Variants in CHL1 observed in about 807,000 individuals in gnomAD.
CHL1 encodes cell adhesion molecule L1 like.
CHL1 carries 96 observed loss-of-function variants against 141.9 expected under a neutral mutation model. The observed-to-expected ratio is 0.68, with a 90% CI of 0.57 to 0.80. The LOEUF (loss-of-function observed/expected upper bound fraction) is 0.80, where lower values mean the gene tolerates loss of function less well. CHL1 is among the 30% of genes least tolerant of loss of function. CHL1 has a pLI of 0.00. For missense variants in CHL1, 1,820 were observed against 1,457.2 expected (o/e 1.25, Z -4.05); for synonymous variants, 613 against 502.2 (o/e 1.22, Z -2.95).
chr3:357,483 G>A (rs969350710), intron 11 of CHL1, among the ~76,000 whole-genome samples: 1 of 152,180 alleles, frequency 6.6e-6, no homozygotes, highest in Non-Finnish European at 1.5e-5. Context: ...CTGAGACTCA[G>A]AGAGGTTACA....
chr3:390,926 A>G (rs1324455994), intron 21 of CHL1, 29 bp from the exon 22 acceptor site: 1 of 1,591,380 alleles, frequency 6.3e-7, no homozygotes, highest in African/African-American at 1.3e-5. Flanking sequence ...CACAATGGAT[A>G]TACTAAAAGA....
At chr3:371,103 T>C (rs2125324995) in intron 15 of CHL1, among the ~76,000 whole-genome samples, 1 of 152,314 alleles carries the variant, frequency 6.6e-6, no homozygotes, top group South Asian at 2.1e-4. Context: ...GAGAGTTCTG[T>C]AGATGTCTAT....
intron 2 of CHL1, among the ~76,000 whole-genome samples, chr3:251,486 T>A (rs1019532519): frequency 6.6e-6 from 1 of 152,160 alleles, no homozygotes; most frequent in Non-Finnish European, 1.5e-5. Context: ...GTTATCAGTG[T>A]CATCAACATA....
intron 1 of CHL1, among the ~76,000 whole-genome samples, chr3:233,639 T>C (rs948401281): frequency 2.0e-5 from 3 of 152,140 alleles, no homozygotes; most frequent in African/African-American, 7.2e-5. Flanking sequence ...CATTGATACA[T>C]AGTATTTTTC....
In CHL1 at chr3:269,684, C is replaced by G. The variant is rs144115257; in HGVS notation, c.-95+24992C>G. Among the ~76,000 whole-genome samples, 801 of 152,284 alleles carry G rather than the reference C, an allele frequency of 5.3e-3. 9 individuals carry two copies. Among genetic ancestry groups the G allele is most frequent in the African/African-American group, 0.019 (774 of 41,562 alleles). On this transcript the variant is annotated intron_variant, in intron 2 of 27. Transcript: ENST00000256509. ...GGGATTACAGGCATGCGCCACTATG[C>G]CCAGCTAATTTTATCTTTTTAGTAG...
chr3:310,756 T>C (rs1699688891), intron 2 of CHL1, among the ~76,000 whole-genome samples: 1 of 152,170 alleles, frequency 6.6e-6, no homozygotes, highest in African/African-American at 2.4e-5. Context: ...CCCAAATCTA[T>C]AGTTTACATT....
intron 26 of CHL1, among the ~76,000 whole-genome samples, chr3:400,168 A>G (rs1216837934): frequency 6.6e-6 from 1 of 152,220 alleles, no homozygotes; most frequent in East Asian, 1.9e-4. Flanking sequence ...GATATATGAG[A>G]AGTTCATTAC....
rs539977018 is a variant in CHL1 at position 340,672 on chromosome 3, G to C, written c.386-122G>C. 1.4e-5 allele frequency: 11 copies of C among 782,618 alleles called. No homozygotes were observed. In the African/African-American group the frequency reaches 1.9e-4, roughly 14 times the overall value. The allele number at this position is 782,618 out of a possible 1,614,324, so 48.5% of individuals were successfully genotyped here. A position where few individuals can be genotyped will look rare whatever the true frequency, so the allele number is the denominator to read the frequency against. On this transcript the variant is annotated intron_variant, in intron 5 of 27. Transcript: ENST00000256509. Reference sequence around the variant, plus strand: ...TCTGAAGGGGAGATGTAAGAACCAGGATCTGTAGCATAGAATTTATTTAAA... The same window carrying C: ...TCTGAAGGGGAGATGTAAGAACCAGCATCTGTAGCATAGAATTTATTTAAA...
At position 391,151 on chromosome 3, in the gene CHL1, C is replaced by T. The variant is rs774246633; in HGVS notation, c.2783C>T (p.Pro928Leu). 2.5e-6 allele frequency: 4 copies of T among 1,607,628 alleles called. No homozygotes were observed. In the South Asian group the frequency reaches 3.3e-5, roughly 13 times the overall value. The part of the protein sequence containing the change: ...PESEPYIFQT[P>L]EGVPEQPTFL... ...AGTGAGCCTTATATATTTCAAACAC[C>T]AGAAGGAGGTGAGAGGATAATGATG... Residue 928 changes from proline to leucine, a missense_variant, in exon 22 of 28, where the codon CCA becomes CTA. Pro to Leu is a moderately conservative substitution (Grantham distance 98). Coordinates refer to ENST00000256509, the MANE Select transcript of CHL1 (RefSeq NM_006614.4).
chr3:292,533 C>T (rs1226239244), intron 2 of CHL1, among the ~76,000 whole-genome samples: 1 of 152,186 alleles, frequency 6.6e-6, no homozygotes, highest in Non-Finnish European at 1.5e-5. Context: ...CACCACACCA[C>T]AGTAGGTAAA....
At chr3:203,239 C>A (rs951243856) in intron 1 of CHL1, among the ~76,000 whole-genome samples, 1 of 152,212 alleles carries the variant, frequency 6.6e-6, no homozygotes, top group Admixed American at 6.5e-5. Flanking sequence ...ATAAATATTT[C>A]ATTTGGCCCA....
intron 2 of CHL1, among the ~76,000 whole-genome samples, chr3:261,997 G>A (rs1434006097): frequency 1.6e-4 from 18 of 111,560 alleles, no homozygotes; most frequent in African/African-American, 6.1e-4. Context: ...TACTCACAGG[G>A]CAGGATTCAC....
At chr3:242,470 C>T (rs1349470463) in intron 1 of CHL1, among the ~76,000 whole-genome samples, 1 of 150,682 alleles carries the variant, frequency 6.6e-6, no homozygotes, top group Non-Finnish European at 1.5e-5. Flanking sequence ...GTGGTGGGCG[C>T]CTGTAGTCCC....
In CHL1 at chr3:363,259, T is replaced by A. The variant is rs372545878; in HGVS notation, c.1461T>A (p.Tyr487Ter). 6.2e-7 allele frequency: 1 copy of A among 1,613,646 alleles called. No homozygotes were observed. The highest frequency in any genetic ancestry group is 1.3e-5 in the African/African-American group (1 of 74,994). The change falls in exon 14 of 28, where the codon TAT becomes TAA. Residue 487 changes from tyrosine to a stop codon, truncating the protein, a stop_gained. Coordinates refer to ENST00000256509, the MANE Select transcript of CHL1 (RefSeq NM_006614.4). LOFTEE classifies it high-confidence loss of function. ...EEVKPLEGRR[Y>*]HIYENGTLQI... Reference sequence around the variant, plus strand: ...TGAAACCCCTGGAGGGCAGGCGGTATCATATCTATGAAAATGGCACATTGC... The same window carrying A: ...TGAAACCCCTGGAGGGCAGGCGGTAACATATCTATGAAAATGGCACATTGC...
At chr3:273,399 A>C (rs1378944671) in intron 2 of CHL1, among the ~76,000 whole-genome samples, 1 of 152,130 alleles carries the variant, frequency 6.6e-6, no homozygotes, top group East Asian at 1.9e-4. Flanking sequence ...GTTTTTCCAC[A>C]AGCTCTTAAG....
At chr3:320,372 C>T (rs139713741) in intron 3 of CHL1, among the ~76,000 whole-genome samples, 55 of 152,010 alleles carry the variant, frequency 3.6e-4, no homozygotes, top group African/African-American at 5.1e-4. Flanking sequence ...TCAAAATTTA[C>T]GGCATTATAT....
At chr3:197,343 G>C (rs1044377984) in intron 1 of CHL1, 3 of 154,248 alleles carry the variant, frequency 1.9e-5, no homozygotes, top group African/African-American at 7.2e-5. Flanking sequence ...AATCCGCCGG[G>C]TCCCACTCAC....
chr3:249,009 C>G (rs943070482), intron 2 of CHL1, among the ~76,000 whole-genome samples: 3 of 152,190 alleles, frequency 2.0e-5, no homozygotes, highest in Non-Finnish European at 4.4e-5. Flanking sequence ...CAAGAAAATG[C>G]TATTTTTGCC....
intron 4 of CHL1, among the ~76,000 whole-genome samples, chr3:326,296 T>TA (rs1701009911): frequency 6.6e-6 from 1 of 152,058 alleles, no homozygotes; most frequent in African/African-American, 2.4e-5. Flanking sequence ...TTAAAATACT[T>TA]AGAGTAGTCT....
Sources: allele counts gnomAD v4.1 joint callset (sites outside exome capture counted in the v4.1 genomes callset), GRCh38; gene constraint gnomAD v4.1.1; transcripts MANE v1.5; gene names NCBI Gene and HGNC (gene_info 2026-07-23, HGNC 2026-07-21).